The following UBE3A variants were observed in gnomAD, a reference collection of about 807,000 sequenced individuals.
UBE3A encodes the protein ubiquitin-protein ligase E3A.
In UBE3A, 6 loss-of-function variants were observed where a neutral mutation model predicts 83.4. The observed-to-expected ratio is 0.07, with a 90% CI of 0.04 to 0.14. The LOEUF (loss-of-function observed/expected upper bound fraction) is 0.14. Ranked by LOEUF, UBE3A falls within the 10% of genes least tolerant of loss-of-function variation. UBE3A has a pLI of 1.00. For missense variants in UBE3A, 456 were observed against 1,036.1 expected, an observed-to-expected ratio of 0.44 and a Z score of 7.69; for synonymous variants, 337 against 355.4, an observed-to-expected ratio of 0.95 and a Z score of 0.58.
At chr15:25,395,446 T>C (rs577685596) in intron 4 of UBE3A, among the ~76,000 whole-genome samples, 29 of 152,176 alleles carry the variant, frequency 1.9e-4, no homozygotes, top group African/African-American at 7.0e-4. Context: ...TTAAAAAAAA[T>C]AAAATGAATT....
intron 6 of UBE3A, among the ~76,000 whole-genome samples, chr15:25,367,253 AT>A (rs1434884768): frequency 1.1e-4 from 10 of 91,160 alleles, no homozygotes; most frequent in African/African-American, 3.6e-4. Context: ...ATATTTGCAT[AT>A]TTGTAAATAT....
chr15:25,349,473 C>T (rs2076187098), intron 11 of UBE3A, among the ~76,000 whole-genome samples: 1 of 150,354 alleles, frequency 6.7e-6, no homozygotes, highest in South Asian at 2.1e-4. Flanking sequence ...AGAAAATAAT[C>T]ATAAACTACT....
chr15:25,407,813 G>A (rs1325744263), intron 3 of UBE3A: 1 of 152,182 alleles, frequency 6.6e-6, no homozygotes, highest in Admixed American at 6.5e-5. Flanking sequence ...AGAACTAGCA[G>A]ACATTTTTCT....
At chr15:25,358,533 A>C (rs544404360) in intron 7 of UBE3A, among the ~76,000 whole-genome samples, 1 of 152,348 alleles carries the variant, frequency 6.6e-6, no homozygotes, top group Non-Finnish European at 1.5e-5. Flanking sequence ...CTACTGTGAA[A>C]CAATGAAAAC....
At chr15:25,341,410 A>G (rs1233522796) in intron 11 of UBE3A, among the ~76,000 whole-genome samples, 1 of 152,014 alleles carries the variant, frequency 6.6e-6, no homozygotes, top group African/African-American at 2.4e-5. Context: ...TTAAAAAAAA[A>G]ATTAAAAGTA....
chr15:25,357,150 T>G (rs1278135843), intron 7 of UBE3A, among the ~76,000 whole-genome samples: 1 of 152,132 alleles, frequency 6.6e-6, no homozygotes, highest in Non-Finnish European at 1.5e-5. Flanking sequence ...TTTGGTGGCA[T>G]CGGGTAGAAA....
chr15:25,341,090 G>A (rs555908195), intron 11 of UBE3A, among the ~76,000 whole-genome samples: 1 of 149,208 alleles, frequency 6.7e-6, no homozygotes. Flanking sequence ...TTTTTTTTGA[G>A]ACAGAGTCTT....
chr15:25,425,024 A>G (rs1890916731), intron 1 of UBE3A, among the ~76,000 whole-genome samples: 1 of 152,144 alleles, frequency 6.6e-6, no homozygotes, highest in Admixed American at 6.5e-5. Context: ...TTCTATGGAA[A>G]TTTGAGAAAC....
At chr15:25,384,595 G>A (rs1488013778) in intron 4 of UBE3A, among the ~76,000 whole-genome samples, 1 of 151,722 alleles carries the variant, frequency 6.6e-6, no homozygotes, top group African/African-American at 2.4e-5. Flanking sequence ...ACTACCCAAA[G>A]CAATCTGCAA....
rs577527065 is a variant in UBE3A, at chr15:25,337,290, A to C, written c.*1847T>G. 1.3e-5 allele frequency: 2 copies of C among 152,250 alleles called. No homozygotes were observed. Among genetic ancestry groups the C allele is most frequent in the Non-Finnish European group, 2.9e-5 (2 of 68,008 alleles). The allele number at this position is 152,250 out of a possible 1,614,324, so 9.4% of individuals were successfully genotyped here. A position where few individuals can be genotyped will look rare whatever the true frequency, so the allele number is the denominator to read the frequency against. On this transcript the variant is annotated 3_prime_UTR_variant, in exon 13 of 13. Coordinates refer to ENST00000648336, the MANE Select transcript of UBE3A (RefSeq NM_130839.5). ...ATATAAAACGCCCTCAGAGTATTTA[A>C]TTTCTCCTCACTTTAATTACACATT...
chr15:25,410,407 A>C (rs75126022), intron 2 of UBE3A, among the ~76,000 whole-genome samples: 4,291 of 152,254 alleles, frequency 0.028, 90 homozygotes, highest in Non-Finnish European at 0.041. Flanking sequence ...GAAATATCCC[A>C]GTATCAAAAG....
chr15:25,386,194 C>T (rs1396109287), intron 4 of UBE3A, among the ~76,000 whole-genome samples: 1 of 152,108 alleles, frequency 6.6e-6, no homozygotes, highest in Non-Finnish European at 1.5e-5. Flanking sequence ...GGCATAAGCT[C>T]ACTAAAAAGA....
At position 25,404,483 on chromosome 15, in the gene UBE3A, T is replaced by G. The variant is rs181216861; in HGVS notation, c.62+978A>C. On this transcript the variant is annotated intron_variant, in intron 4 of 12. Coordinates refer to ENST00000648336, the MANE Select transcript of UBE3A (RefSeq NM_130839.5). ...CTACCTCTATTATCTGAAACATCTT[T>G]AGTCTTCACAATAAATCACTAAAGT... Among the ~76,000 whole-genome samples the G allele has an allele frequency of 2.0e-5, 3 of 152,352 alleles. No individual in the cohort carries two copies. The East Asian group carries it at 5.8e-4, about 29-fold the overall frequency.
intron 1 of UBE3A, among the ~76,000 whole-genome samples, chr15:25,413,853 C>T (rs2090426514): frequency 6.6e-6 from 1 of 152,110 alleles, no homozygotes; most frequent in Non-Finnish European, 1.5e-5. Context: ...CCTCTGGCTT[C>T]CCTAATGTTG....
chr15:25,334,078 C>CCAA lies in UBE3A; in HGVS notation c.*5058_*5059insTTG. The CCAA allele has an allele frequency of 6.6e-6, 1 of 151,952 alleles. No individual in the cohort carries two copies. Among genetic ancestry groups the CCAA allele is most frequent in the Non-Finnish European group, 1.5e-5 (1 of 67,988 alleles). 9.4% of individuals were successfully genotyped at this position (151,952 alleles called of 1,614,324 possible). A position where few individuals can be genotyped will look rare whatever the true frequency, so the allele number is the denominator to read the frequency against. ...CTTGTCACTTCTATCCAATATTGTA[C>CCAA]TGGAGGTGCTAGCCAGCACACTAAG... On this transcript the variant is annotated 3_prime_UTR_variant, in exon 13 of 13. Coordinates refer to ENST00000648336, the MANE Select transcript of UBE3A (RefSeq NM_130839.5).
intron 1 of UBE3A, chr15:25,419,079 T>C (rs925646614): frequency 1.3e-5 from 2 of 152,198 alleles, no homozygotes; most frequent in African/African-American, 4.8e-5. Flanking sequence ...AAGCTCTCCT[T>C]GCCAATCCCT....
At chr15:25,425,185 T>C (rs1323583496) in intron 1 of UBE3A, among the ~76,000 whole-genome samples, 1 of 152,074 alleles carries the variant, frequency 6.6e-6, no homozygotes, top group Non-Finnish European at 1.5e-5. Flanking sequence ...GAAAATACCA[T>C]GGTAAGTAAA....
intron 4 of UBE3A, among the ~76,000 whole-genome samples, chr15:25,386,699 G>C (rs2083205201): frequency 6.6e-6 from 1 of 151,384 alleles, no homozygotes; most frequent in Non-Finnish European, 1.5e-5. Context: ...TCCGAAGTAA[G>C]CCAGAGGGAA....
rs2077278494 is a variant in UBE3A at position 25,356,822 on chromosome 15, T to C, written c.1828A>G (p.Thr610Ala). The part of the protein sequence containing the change: ...PSSFETEGQF[T>A]LIGIVLGLAI... ...AGACCCAGTACTATGCCAATCAGAG[T>C]AAACTGACCCTCAGTTTCAAAAGAA... The change falls in exon 8 of 13, where the codon ACT (threonine) becomes GCT (alanine). Residue 610 changes from threonine to alanine, a missense_variant. By Grantham distance (58) the Thr-to-Ala change is moderately conservative. This residue lies in a region of UBE3A where 58 missense variants were observed against 237.1 expected (regional missense o/e 0.24). Coordinates refer to ENST00000648336, the MANE Select transcript of UBE3A (RefSeq NM_130839.5). The C allele has an allele frequency of 6.2e-7, 1 of 1,613,664 alleles. No homozygotes were observed. The highest frequency in any genetic ancestry group is 8.5e-7 in the Non-Finnish European group (1 of 1,179,882).
Sources: allele counts gnomAD v4.1 joint callset (sites outside exome capture counted in the v4.1 genomes callset), GRCh38; gene constraint gnomAD v4.1.1; regional missense constraint gnomAD v4.1.1; transcripts MANE v1.5; gene names NCBI Gene and HGNC (gene_info 2026-07-23, HGNC 2026-07-21).